The following IKBKB variants were observed in gnomAD, a reference collection of about 807,000 sequenced individuals.
IKBKB encodes inhibitor of nuclear factor kappa B kinase subunit beta.
Under a neutral mutation model 113.6 loss-of-function variants are expected in IKBKB, and 42 were observed. The ratio of observed to expected loss-of-function variants is 0.37; its 90% CI spans 0.29 to 0.48. The LOEUF (loss-of-function observed/expected upper bound fraction) is 0.48. Ranked by LOEUF, IKBKB falls within the 20% of genes least tolerant of loss-of-function variation. IKBKB has a pLI of 0.99. For missense variants in IKBKB, 673 were observed against 939.7 expected, an observed-to-expected ratio of 0.72 and a Z score of 3.71; for synonymous variants, 296 against 361.3, an observed-to-expected ratio of 0.82 and a Z score of 2.05.
intron 8 of IKBKB, 68 bp from the exon 9 acceptor site, chr8:42,314,254 C>A: frequency 2.7e-6 from 3 of 1,131,732 alleles, no homozygotes; most frequent in Non-Finnish European, 4.1e-6. Context: ...CACCTAATGA[C>A]GAATTTCTTA....
intron 2 of IKBKB, among the ~76,000 whole-genome samples, chr8:42,280,610 G>A (rs988578134): frequency 6.6e-6 from 1 of 152,028 alleles, no homozygotes. Flanking sequence ...CTCAGTGCTG[G>A]GTCCCCAACA....
intron 5 of IKBKB, among the ~76,000 whole-genome samples, chr8:42,303,087 GAGAA>G (rs1563331754): frequency 3.2e-4 from 43 of 135,646 alleles, no homozygotes; most frequent in African/African-American, 8.9e-4. Flanking sequence ...GAGAGAGAGA[GAGAA>G]TGAGAGAGAG....
intron 19 of IKBKB, among the ~76,000 whole-genome samples, chr8:42,323,170 G>A (rs755919978): frequency 6.6e-6 from 1 of 152,192 alleles, no homozygotes; most frequent in Non-Finnish European, 1.5e-5. Flanking sequence ...AGTAGTCCAG[G>A]GTGATGTCAT....
chr8:42,329,944 C>T (rs1821469912), intron 21 of IKBKB: 2 of 985,454 alleles, frequency 2.0e-6, no homozygotes, highest in East Asian at 1.1e-4. Flanking sequence ...AGGGATACCA[C>T]TGTGAATTGC....
chr8:42,271,314 CAGGAAGTGTTTG>C lies in IKBKB; in HGVS notation c.-166_-155del, dbSNP rs947142064. 2.3e-5 allele frequency: 22 copies of C among 954,970 alleles called. No individual in the cohort carries two copies. In the African/African-American group the frequency reaches 3.1e-4, roughly 13 times the overall value. The allele number at this position is 954,970 out of a possible 1,614,324, so 59.2% of individuals were successfully genotyped here. ...GCCAACGTGCTCCGTGACGTCAGAGCAGGAAGTGTTTGAGGAAGTCGCGCCGCGCTGCCCGCG... is the reference window on the plus strand; with the variant it reads ...GCCAACGTGCTCCGTGACGTCAGAGCAGGAAGTCGCGCCGCGCTGCCCGCG... On this transcript the variant is annotated 5_prime_UTR_variant, in exon 1 of 22. Coordinates refer to ENST00000520810, the MANE Select transcript of IKBKB (RefSeq NM_001556.3).
intron 5 of IKBKB, among the ~76,000 whole-genome samples, chr8:42,300,795 G>C (rs572399708): frequency 6.6e-6 from 1 of 152,332 alleles, no homozygotes; most frequent in South Asian, 2.1e-4. Flanking sequence ...GAAATGTACT[G>C]TGTCATTTAT....
At chr8:42,284,561 A>G (rs916445285) in intron 2 of IKBKB, among the ~76,000 whole-genome samples, 9 of 151,534 alleles carry the variant, frequency 5.9e-5, no homozygotes, top group African/African-American at 2.2e-4. Flanking sequence ...CAGCCTGGGC[A>G]ACAAAGCGAG....
At chr8:42,308,533 A>G (rs920019798) in intron 7 of IKBKB, among the ~76,000 whole-genome samples, 1 of 152,016 alleles carries the variant, frequency 6.6e-6, no homozygotes, top group Non-Finnish European at 1.5e-5. Flanking sequence ...CCTGACCTCA[A>G]GTAATGCGCC....
chr8:42,274,239 A>G (rs947003050), intron 2 of IKBKB, among the ~76,000 whole-genome samples: 5 of 152,178 alleles, frequency 3.3e-5, no homozygotes, highest in Admixed American at 2.6e-4. Flanking sequence ...CATGTAGGCC[A>G]TGCCGGTCTC....
intron 2 of IKBKB, among the ~76,000 whole-genome samples, chr8:42,276,167 A>G (rs967100811): frequency 6.6e-6 from 1 of 152,194 alleles, no homozygotes; most frequent in African/African-American, 2.4e-5. Flanking sequence ...AGGAACCTCC[A>G]TACTATTTTC....
rs557221923 is a variant in IKBKB at position 42,274,816 on chromosome 8, C to T, written c.105+2611C>T. On this transcript the variant is annotated intron_variant, in intron 2 of 21. Transcript: ENST00000520810. Reference sequence around the variant, plus strand: ...CCCCCCCCCCCGCCATCCCAGCCTCCCAAAGTGCTGGGATTACAGGTGGGA... The same window carrying T: ...CCCCCCCCCCCGCCATCCCAGCCTCTCAAAGTGCTGGGATTACAGGTGGGA... Among the ~76,000 whole-genome samples, 153 of 144,722 alleles carry T rather than the reference C, an allele frequency of 1.1e-3. 2 individuals are homozygous for T. In the South Asian group the frequency reaches 0.016, roughly 15 times the overall value. 94.9% of individuals were successfully genotyped at this position (144,722 alleles called of 152,430 possible).
Position 42,314,371 on chromosome 8 carries a change from G to T in IKBKB, c.742G>T (p.Asp248Tyr). 6.2e-7 allele frequency: 1 copy of T among 1,614,130 alleles called. No individual in the cohort carries two copies. Among genetic ancestry groups the T allele is most frequent in the Middle Eastern group, 1.6e-4 (1 of 6,062 alleles). ...TGAGGTGGACATTGTTGTTAGCGAA[G>T]ACTTGAATGGAACGGTGAAGTTTTC... is the stretch of plus-strand genomic sequence containing the variant. ...KSEVDIVVSE[D>Y]LNGTVKFSSS... Residue 248 changes from aspartate to tyrosine, a missense_variant, in exon 9 of 22, where the codon GAC (aspartate) becomes TAC (tyrosine). Transcript: ENST00000520810.
At chr8:42,284,558 G>A (rs1216722806) in intron 2 of IKBKB, among the ~76,000 whole-genome samples, 1 of 151,368 alleles carries the variant, frequency 6.6e-6, no homozygotes, top group Non-Finnish European at 1.5e-5. Context: ...CTCCAGCCTG[G>A]GCAACAAAGC....
intron 8 of IKBKB, chr8:42,309,432 C>T (rs1243629491): frequency 1.1e-5 from 4 of 377,602 alleles, no homozygotes; most frequent in Non-Finnish European, 2.1e-5. Flanking sequence ...AATGTTACTA[C>T]AACCTGAATA....
chr8:42,330,602 C>T (rs548749419), intron 21 of IKBKB, among the ~76,000 whole-genome samples: 61 of 152,306 alleles, frequency 4.0e-4, no homozygotes, highest in Non-Finnish European at 6.8e-4. Context: ...CCCCTACCTC[C>T]CAGGTTCAAG....
At position 42,331,412 on chromosome 8, in the gene IKBKB, G is replaced by A. The variant is rs1821672182; in HGVS notation, c.*433G>A. ...TCCAATTCAAATCTTTCAGGGCAGAGTCCGAGCAGCGCTTGGTGACAGCCT... is the reference window on the plus strand; with the variant it reads ...TCCAATTCAAATCTTTCAGGGCAGAATCCGAGCAGCGCTTGGTGACAGCCT... On this transcript the variant is annotated 3_prime_UTR_variant, in exon 22 of 22. Transcript: ENST00000520810. 1.4e-6 allele frequency: 1 copy of A among 702,784 alleles called. No individual in the cohort carries two copies. The highest frequency in any genetic ancestry group is 2.6e-6 in the Non-Finnish European group (1 of 385,006). The allele number at this position is 702,784 out of a possible 1,614,324, so 43.5% of individuals were successfully genotyped here. A position where few individuals can be genotyped will look rare whatever the true frequency, so the allele number is the denominator to read the frequency against.
chr8:42,288,739 C>T lies in IKBKB; in HGVS notation c.200+11C>T, dbSNP rs1275345051. 6.3e-6 allele frequency: 10 copies of T among 1,597,500 alleles called. No homozygotes were observed. The highest frequency in any genetic ancestry group is 1.7e-5 in the Admixed American group (1 of 58,776). On this transcript the variant is annotated intron_variant, in intron 3 of 21. Transcript: ENST00000520810. Reference sequence around the variant, plus strand: ...CCAGATCATGAGAAGGTGAGGGCCTCGCGCATAGGGACCCAAGGGAAAGCT... The same window carrying T: ...CCAGATCATGAGAAGGTGAGGGCCTTGCGCATAGGGACCCAAGGGAAAGCT...
chr8:42,310,630 C>T (rs757182612), intron 8 of IKBKB, among the ~76,000 whole-genome samples: 1 of 152,162 alleles, frequency 6.6e-6, no homozygotes, highest in Non-Finnish European at 1.5e-5. Flanking sequence ...ATTACCCCCT[C>T]ATTTTTGCCA....
chr8:42,312,834 A>G (rs1198725015), intron 8 of IKBKB, among the ~76,000 whole-genome samples: 2 of 152,230 alleles, frequency 1.3e-5, no homozygotes, highest in African/African-American at 4.8e-5. Flanking sequence ...GCCAATGAGA[A>G]TTGTTTGGAG....
Sources: gnomAD v4.1 joint callset for allele counts (sites outside exome capture counted in the v4.1 genomes callset) on GRCh38, gnomAD v4.1.1 for gene constraint, MANE v1.5 for transcripts, NCBI Gene and HGNC (gene_info 2026-07-23, HGNC 2026-07-21) for gene names.